The following KIAA1671 variants were observed in gnomAD, a reference collection of about 807,000 sequenced individuals.
KIAA1671 encodes the protein uncharacterized protein KIAA1671.
KIAA1671 carries 52 observed loss-of-function variants against 131.2 expected under a neutral mutation model. That is an observed-to-expected ratio of 0.40 (90% confidence interval 0.32 to 0.50). The LOEUF is 0.50. Among genes scored for constraint, KIAA1671 ranks in the 20% least tolerant of loss-of-function variants. The pLI is 0.73. For missense variants in KIAA1671, 2,360 were observed against 2,364.2 expected (o/e 1.00, Z 0.04); for synonymous variants, 1,003 against 961.6 (o/e 1.04, Z -0.80).
intron 6 of KIAA1671, among the ~76,000 whole-genome samples, chr22:25,082,799 C>T (rs1929482229): frequency 6.6e-6 from 1 of 152,188 alleles, no homozygotes; most frequent in Non-Finnish European, 1.5e-5. Flanking sequence ...TGCCACTGCA[C>T]TCCAGCCTGG....
At chr22:25,021,564 G>A (rs1314057358) in intron 1 of KIAA1671, among the ~76,000 whole-genome samples, 3 of 150,066 alleles carry the variant, frequency 2.0e-5, no homozygotes, top group African/African-American at 7.4e-5. Flanking sequence ...TGTCCCTAGC[G>A]CCTGGCCCAG....
intron 6 of KIAA1671, among the ~76,000 whole-genome samples, chr22:25,169,643 C>T (rs961120069): frequency 7.2e-5 from 11 of 152,210 alleles, no homozygotes; most frequent in South Asian, 2.1e-4. Flanking sequence ...ATTTGCGAAG[C>T]AGACAAATGA....
intron 1 of KIAA1671, among the ~76,000 whole-genome samples, chr22:24,972,185 A>G (rs1266585014): frequency 1.3e-5 from 2 of 152,222 alleles, no homozygotes; most frequent in Non-Finnish European, 2.9e-5. Context: ...CAGATATATT[A>G]CAGTGGTTAA....
chr22:25,028,503 G>T lies in KIAA1671; in HGVS notation c.504G>T (p.Lys168Asn). The T allele has an allele frequency of 6.5e-7, 1 of 1,549,540 alleles. No individual in the cohort carries two copies. Among genetic ancestry groups the T allele is most frequent in the Non-Finnish European group, 8.7e-7 (1 of 1,146,256 alleles). The change falls in exon 3 of 13, where the codon AAG becomes AAT. Residue 168 changes from lysine to asparagine, a missense_variant. Transcript: ENST00000358431. ...TTAGTGAGGGGGCGGAGGAGGCCAA[G>T]CTAGGTGTGTCCGGCTCCCGGCCTG... is the stretch of plus-strand genomic sequence containing the variant. Reference protein sequence around the residue: ...KAVSEGAEEAKLGVSGSRPEV... With the variant: ...KAVSEGAEEANLGVSGSRPEV...
intron 6 of KIAA1671, among the ~76,000 whole-genome samples, chr22:25,117,496 CA>C (rs1356126361): frequency 6.6e-6 from 1 of 151,916 alleles, no homozygotes; most frequent in African/African-American, 2.4e-5. Flanking sequence ...TCCTCCAGCC[CA>C]AGGCCGAGTG....
intron 1 of KIAA1671, among the ~76,000 whole-genome samples, chr22:24,975,734 CT>C (rs1922877724): frequency 6.6e-6 from 1 of 152,122 alleles, no homozygotes; most frequent in Non-Finnish European, 1.5e-5. Flanking sequence ...GTATTGATCT[CT>C]TTTTCCAGAT....
At chr22:25,052,239 G>T (rs1927571348) in intron 6 of KIAA1671, 1 of 152,332 alleles carries the variant, frequency 6.6e-6, no homozygotes. Context: ...TGTGATATTT[G>T]CTCAGCCCGG....
chr22:25,190,551 G>A, intron 11 of KIAA1671, 151 bp from the exon 12 acceptor site: 1 of 621,228 alleles, frequency 1.6e-6, no homozygotes, highest in Middle Eastern at 2.8e-4. Context: ...TTGCTTATCA[G>A]TCCCGTTAAT....
intron 6 of KIAA1671, among the ~76,000 whole-genome samples, chr22:25,158,910 A>G (rs1933339933): frequency 6.6e-6 from 1 of 152,218 alleles, no homozygotes. Context: ...AACAGTATCT[A>G]TTATGGGAAT....
At chr22:25,133,961 T>C (rs966660222) in intron 6 of KIAA1671, among the ~76,000 whole-genome samples, 2 of 152,244 alleles carry the variant, frequency 1.3e-5, no homozygotes, top group African/African-American at 2.4e-5. Flanking sequence ...TGAGAGGGCC[T>C]TGAGATTCCA....
chr22:25,115,490 G>C lies in KIAA1671; in HGVS notation c.4531-55330G>C, dbSNP rs111758282. Among the ~76,000 whole-genome samples the C allele has an allele frequency of 3.2e-3, 492 of 152,298 alleles. 2 individuals carry two copies. Among genetic ancestry groups the C allele is most frequent in the African/African-American group, 0.011 (474 of 41,556 alleles). On this transcript the variant is annotated intron_variant, in intron 6 of 12. Transcript: ENST00000358431. The stretch of plus-strand genomic sequence containing the variant: ...AAACATGGAGATTCAGCTGGGACTT[G>C]TCTGGTGGGTGGTTCAATGGGACAG...
intron 9 of KIAA1671, among the ~76,000 whole-genome samples, chr22:25,180,005 G>A (rs1014283343): frequency 1.1e-3 from 128 of 119,032 alleles, no homozygotes; most frequent in Non-Finnish European, 1.7e-4. Flanking sequence ...GTATCAACAA[G>A]ATCAAAGGGA....
Position 25,039,851 on chromosome 22 carries a change from T to C in KIAA1671, c.2721T>C (p.Ala907=), listed in dbSNP as rs1926815208. 20 of 1,550,284 alleles carry C rather than the reference T, an allele frequency of 1.3e-5. No homozygotes were observed. The highest frequency in any genetic ancestry group is 1.7e-5 in the Non-Finnish European group (20 of 1,146,274). The change falls in exon 5 of 13, where the codon GCT becomes GCC. Residue 907 remains alanine (A), a synonymous_variant. Transcript: ENST00000358431. ...CACGAACACATCCAGATGCATTTGC[T>C]GTGCAGAAAGGGCCCTTCATTGTAG... The part of the protein sequence containing the change: ...SQARTHPDAF[A]VQKGPFIVAA...
chr22:25,079,567 T>G (rs1292746690), intron 6 of KIAA1671, among the ~76,000 whole-genome samples: 1 of 152,098 alleles, frequency 6.6e-6, no homozygotes, highest in East Asian at 1.9e-4. Flanking sequence ...ACAGAGACTT[T>G]AGAAGCAGGG....
intron 6 of KIAA1671, among the ~76,000 whole-genome samples, chr22:25,089,366 C>T (rs1929905144): frequency 6.6e-6 from 1 of 150,896 alleles, no homozygotes; most frequent in South Asian, 2.1e-4. Context: ...CATCTGCCTC[C>T]CGGGTTCAAG....
In KIAA1671 at chr22:25,070,677, C is replaced by T. The variant is rs970416367; in HGVS notation, c.4530+21313C>T. Among the ~76,000 whole-genome samples the T allele has an allele frequency of 1.3e-5, 2 of 151,674 alleles. 1 individual carries two copies. Among genetic ancestry groups the T allele is most frequent in the South Asian group, 4.1e-4 (2 of 4,830 alleles). On this transcript the variant is annotated intron_variant, in intron 6 of 12. Coordinates refer to ENST00000358431, the MANE Select transcript of KIAA1671 (RefSeq NM_001145206.2). The stretch of plus-strand genomic sequence containing the variant: ...CCTGGATCCGATGTGGGCTTTCCTC[C>T]AGTCCTCAAGAAAACAGGAAGAACG...
intron 1 of KIAA1671, among the ~76,000 whole-genome samples, chr22:24,977,172 C>G (rs542818350): frequency 2.6e-5 from 4 of 152,190 alleles, no homozygotes; most frequent in Admixed American, 6.5e-5. Flanking sequence ...ATTATACTCA[C>G]GTTTCCACGA....
chr22:25,115,259 T>C (rs1008588042), intron 6 of KIAA1671, among the ~76,000 whole-genome samples: 2 of 152,072 alleles, frequency 1.3e-5, no homozygotes, highest in Non-Finnish European at 2.9e-5. Context: ...GACAGAAAAT[T>C]CCAGAACCCA....
In KIAA1671 at chr22:25,030,108, AATG is replaced by A. The variant is rs749832980; in HGVS notation, c.1541+571_1541+573del. 5.9e-5 allele frequency among the ~76,000 whole-genome samples: 9 copies of A among 152,364 alleles called. No homozygotes were observed. In the South Asian group the frequency reaches 1.9e-3, roughly 32 times the overall value. On this transcript the variant is annotated intron_variant, in intron 3 of 12. Coordinates refer to ENST00000358431, the MANE Select transcript of KIAA1671 (RefSeq NM_001145206.2). ...GATACTCTTAAGTCAGTTGGTTAAT[AATG>A]ATACTCTAAGTCAGTTGGTTAATAC...
Sources: gnomAD v4.1 joint callset for allele counts (sites outside exome capture counted in the v4.1 genomes callset) on GRCh38, gnomAD v4.1.1 for gene constraint, MANE v1.5 for transcripts, NCBI Gene and HGNC (gene_info 2026-07-23, HGNC 2026-07-21) for gene names.